TIMM9: variants seen among roughly 807,000 people sequenced by gnomAD.
The protein encoded by TIMM9 is mitochondrial import inner membrane translocase subunit Tim9.
TIMM9 carries 10 observed loss-of-function variants against 13.4 expected under a neutral mutation model. The ratio of observed to expected loss-of-function variants is 0.75; its 90% confidence interval spans 0.46 to 1.26. The LOEUF (loss-of-function observed/expected upper bound fraction) is 1.26, where lower values mean the gene tolerates loss of function less well. TIMM9 is among the 50% of genes most tolerant of loss of function. The probability of loss-of-function intolerance (pLI) is 0.00; values close to 1 mark genes in which losing one functional copy is unlikely to be tolerated. For missense variants in TIMM9, 87 were observed against 100.8 expected, an observed-to-expected ratio of 0.86 and a Z score of 0.58; for synonymous variants, 32 against 32.1, an observed-to-expected ratio of 1.00 and a Z score of 0.01.
intron 3 of TIMM9, among the ~76,000 whole-genome samples, chr14:58,419,496 CACACACACAAACACAT>C (rs1409847085): frequency 8.1e-5 from 12 of 148,242 alleles, no homozygotes; most frequent in South Asian, 2.1e-4. Flanking sequence ...CACACACACA[CACACACACAAACACAT>C]ACACACACAC....
chr14:58,408,745 T>C lies in TIMM9; in HGVS notation c.*289A>G, dbSNP rs934800117. The C allele has an allele frequency of 6.7e-6, 5 of 747,884 alleles. No homozygotes were observed. In the African/African-American group the frequency reaches 7.3e-5, roughly 11 times the overall value. The allele number at this position is 747,884 out of a possible 1,614,324, so 46.3% of individuals were successfully genotyped here. On this transcript the variant is annotated 3_prime_UTR_variant, in exon 6 of 6. Transcript: ENST00000395159. ...GTTGCTTTAAAATTAACAGTCACAA[T>C]TGAAGAAACAATGGTTTATTTTTCT...
intron 3 of TIMM9, among the ~76,000 whole-genome samples, chr14:58,419,083 T>C (rs2036504652): frequency 6.6e-6 from 1 of 152,162 alleles, no homozygotes; most frequent in South Asian, 2.1e-4. Flanking sequence ...CAATAATCAA[T>C]GCTGTGTGCC....
At position 58,413,956 on chromosome 14, in the gene TIMM9, G is replaced by A. The variant is rs550510262; in HGVS notation, c.-26-1985C>T. 1.0e-4 allele frequency among the ~76,000 whole-genome samples: 12 copies of A among 118,574 alleles called. No individual in the cohort carries two copies. The East Asian group carries it at 2.1e-3, about 21-fold the overall frequency. 77.8% of individuals were successfully genotyped at this position (118,574 alleles called of 152,430 possible). The stretch of plus-strand genomic sequence containing the variant: ...CGGGAGGTGGAGCTTGCAGTGAGCC[G>A]AGATTGCACCACTGCACTCCGGCCT... On this transcript the variant is annotated intron_variant, in intron 3 of 5. Transcript: ENST00000395159.
At chr14:58,419,451 T>TCACACACACA (rs67147520) in intron 3 of TIMM9, among the ~76,000 whole-genome samples, 62 of 112,922 alleles carry the variant, frequency 5.5e-4, no homozygotes, top group South Asian at 9.7e-4. Flanking sequence ...TGAGACCCCG[T>TCACACACACA]CACACACACA....
intron 3 of TIMM9, 29 bp from the exon 4 acceptor site, chr14:58,412,000 C>A: frequency 6.5e-7 from 1 of 1,541,328 alleles, no homozygotes; most frequent in Non-Finnish European, 9.0e-7. Context: ...ACAAGTTTGT[C>A]AATCTATAAA....
Position 58,410,878 on chromosome 14 carries a change from T to C in TIMM9, c.100A>G (p.Lys34Glu). Residue 34 changes from lysine (K) to glutamate (E), a missense_variant, in exon 5 of 6, where the codon AAA becomes GAA. Physicochemically the swap from Lys to Glu is moderately conservative, Grantham distance 56 (BLOSUM62 1). Transcript: ENST00000395159. ...LTETCFLDCV[K>E]DFTTREVKPE... ...TTTACTTCTCTTGTTGTGAAGTCTT[T>C]AACACAGTCCAAAAAGCAGGTCTCT... The C allele has an allele frequency of 6.2e-7, 1 of 1,613,198 alleles. No individual in the cohort carries two copies. Among genetic ancestry groups the C allele is most frequent in the Non-Finnish European group, 8.5e-7 (1 of 1,179,768 alleles).
At chr14:58,418,153 G>C (rs546250729) in intron 3 of TIMM9, among the ~76,000 whole-genome samples, 20 of 152,274 alleles carry the variant, frequency 1.3e-4, no homozygotes, top group Non-Finnish European at 1.9e-4. Flanking sequence ...TTCCAGGGAT[G>C]CAAGACTGGT....
chr14:58,423,821 G>A (rs556742885), intron 3 of TIMM9, 187 bp downstream of exon 3: 1 of 152,242 alleles, frequency 6.6e-6, no homozygotes, highest in African/African-American at 2.4e-5. Flanking sequence ...GACCCATCAG[G>A]GGTTACCTTC....
At position 58,410,947 on chromosome 14, in the gene TIMM9, A is replaced by C. The variant is rs746425698; in HGVS notation, c.40-9T>G. On this transcript the variant is annotated splice_polypyrimidine_tract_variant and intron_variant, in intron 4 of 5. Coordinates refer to ENST00000395159, the MANE Select transcript of TIMM9 (RefSeq NM_012460.4). ...CCCAGAAATTCCTTAAACTACAAAC[A>C]AACCAGAATGTTCTTTAGTATTTGG... The C allele has an allele frequency of 6.3e-7, 1 of 1,592,386 alleles. No homozygotes were observed. The highest frequency in any genetic ancestry group is 8.6e-7 in the Non-Finnish European group (1 of 1,166,616).
intron 3 of TIMM9, among the ~76,000 whole-genome samples, chr14:58,417,162 G>T (rs1475612814): frequency 6.6e-6 from 1 of 152,114 alleles, no homozygotes; most frequent in Non-Finnish European, 1.5e-5. Context: ...CTTCAGCCAT[G>T]ATTGTGAGGC....
At chr14:58,412,391 C>T (rs1249999827) in intron 3 of TIMM9, among the ~76,000 whole-genome samples, 5 of 152,188 alleles carry the variant, frequency 3.3e-5, no homozygotes, top group African/African-American at 1.2e-4. Context: ...CCGCCTGCCT[C>T]GGCTTCCCAA....
chr14:58,422,013 CTTT>C (rs34329213), intron 3 of TIMM9, among the ~76,000 whole-genome samples: 19 of 121,204 alleles, frequency 1.6e-4, no homozygotes, highest in East Asian at 2.1e-4. Flanking sequence ...AAAATCTGTT[CTTT>C]TTTTTTTTTT....
chr14:58,412,947 CAA>C (rs1198228929), intron 3 of TIMM9, among the ~76,000 whole-genome samples: 1 of 151,916 alleles, frequency 6.6e-6, no homozygotes, highest in Non-Finnish European at 1.5e-5. Flanking sequence ...TAAAGGAAAT[CAA>C]GAGATTTTTG....
intron 3 of TIMM9, among the ~76,000 whole-genome samples, chr14:58,419,497 AC>A (rs1566752424): frequency 1.0e-4 from 15 of 150,602 alleles, no homozygotes; most frequent in African/African-American, 3.2e-4. Flanking sequence ...ACACACACAC[AC>A]ACACACAAAC....
In TIMM9 at chr14:58,418,695, C is replaced by T. The variant is rs183113726; in HGVS notation, c.-27+5313G>A. 2.6e-5 allele frequency among the ~76,000 whole-genome samples: 4 copies of T among 152,084 alleles called. No homozygotes were observed. The South Asian group carries it at 6.2e-4, about 24-fold the overall frequency. Reference sequence around the variant, plus strand: ...TATACTGAAAGTAAAAATACAATATCATTTACAATTACTCAAAGAAAAAAA... The same window carrying T: ...TATACTGAAAGTAAAAATACAATATTATTTACAATTACTCAAAGAAAAAAA... On this transcript the variant is annotated intron_variant, in intron 3 of 5. Coordinates refer to ENST00000395159, the MANE Select transcript of TIMM9 (RefSeq NM_012460.4).
chr14:58,414,907 T>G (rs1257602800), intron 3 of TIMM9, among the ~76,000 whole-genome samples: 1 of 152,068 alleles, frequency 6.6e-6, no homozygotes. Flanking sequence ...AGTAATGAGG[T>G]ACCCATCTCC....
intron 3 of TIMM9, 166 bp from the exon 4 acceptor site, chr14:58,412,137 A>G: frequency 1.9e-6 from 1 of 530,430 alleles, no homozygotes; most frequent in Non-Finnish European, 3.3e-6. Context: ...CTTACAGTTG[A>G]GAATTAGATT....
intron 3 of TIMM9, among the ~76,000 whole-genome samples, chr14:58,419,451 T>TCTCA (rs1353854176): frequency 1.2e-4 from 14 of 112,920 alleles, no homozygotes; most frequent in Non-Finnish European, 2.2e-4. Flanking sequence ...TGAGACCCCG[T>TCTCA]CACACACACA....
Position 58,414,008 on chromosome 14 carries a change from GAAAAAAAAAAAAAAA to G in TIMM9, c.-26-2052_-26-2038del, listed in dbSNP as rs10656955. 1.1e-3 allele frequency among the ~76,000 whole-genome samples: 26 copies of G among 24,180 alleles called. 2 individuals are homozygous for G. The highest frequency in any genetic ancestry group is 8.3e-3 in the East Asian group (6 of 726). 15.9% of individuals were successfully genotyped at this position (24,180 alleles called of 152,430 possible). A position where few individuals can be genotyped will look rare whatever the true frequency, so the allele number is the denominator to read the frequency against. On this transcript the variant is annotated intron_variant, in intron 3 of 5. Transcript: ENST00000395159. The stretch of plus-strand genomic sequence containing the variant: ...GGTGACAGAGTGAGATTCCGTCTCA[GAAAAAAAAAAAAAAA>G]AAAAAAAAAAAAAGGTTTGTATAAA...
Sources: allele counts gnomAD v4.1 joint callset (sites outside exome capture counted in the v4.1 genomes callset), GRCh38; gene constraint gnomAD v4.1.1; transcripts MANE v1.5; gene names NCBI Gene and HGNC (gene_info 2026-07-23, HGNC 2026-07-21).